EP300: variants seen among roughly 807,000 people sequenced by gnomAD.
EP300 encodes histone acetyltransferase p300.
Under a neutral mutation model 264.0 loss-of-function variants are expected in EP300, and 31 were observed. The observed-to-expected ratio is 0.12, with a 90% confidence interval of 0.09 to 0.16. EP300 has a LOEUF of 0.16. Ranked by LOEUF, EP300 falls within the 10% of genes least tolerant of loss-of-function variation. EP300 has a pLI of 1.00. For missense variants in EP300, 2,766 were observed against 3,052.9 expected (o/e 0.91, Z 2.21); for synonymous variants, 1,340 against 1,045.4 (o/e 1.28, Z -5.44).
intron 21 of EP300, 125 bp downstream of exon 21, chr22:41,162,904 C>G (rs536580547): frequency 1.3e-6 from 1 of 783,018 alleles, no homozygotes; most frequent in Admixed American, 1.9e-5. Flanking sequence ...TAACATACAT[C>G]TAATGGATAG....
At chr22:41,156,042 A>C (rs1004062543) in intron 17 of EP300, among the ~76,000 whole-genome samples, 2 of 150,908 alleles carry the variant, frequency 1.3e-5, no homozygotes, top group Non-Finnish European at 3.0e-5. Context: ...ATGGAGTTTC[A>C]CTCTTGTTGC....
In EP300 at chr22:41,149,858, C is replaced by G. The variant is rs1319677638; in HGVS notation, c.2477C>G (p.Ala826Gly). The change falls in exon 14 of 31, where the codon GCT (alanine) becomes GGT (glycine). Residue 826 changes from alanine to glycine, a missense_variant. Physicochemically the swap from Ala to Gly is moderately conservative, Grantham distance 60. Transcript: ENST00000263253. Reference sequence around the variant, plus strand: ...CACTGTCCCCAGCTTCCTCAACCAGCTCTTCATCAGAATTCACCCTCGCCT... The same window carrying G: ...CACTGTCCCCAGCTTCCTCAACCAGGTCTTCATCAGAATTCACCCTCGCCT... ...HIHCPQLPQP[A>G]LHQNSPSPVP... 6.2e-7 allele frequency: 1 copy of G among 1,614,114 alleles called. No individual in the cohort carries two copies.
chr22:41,143,472 G>A (rs956691842), intron 10 of EP300, among the ~76,000 whole-genome samples: 10 of 152,056 alleles, frequency 6.6e-5, no homozygotes, highest in Non-Finnish European at 1.5e-4. Flanking sequence ...AATAAGGTTT[G>A]TAAACTTTGA....
chr22:41,101,124 G>T (rs1006782680), intron 1 of EP300, among the ~76,000 whole-genome samples: 3 of 152,122 alleles, frequency 2.0e-5, no homozygotes, highest in Non-Finnish European at 4.4e-5. Context: ...TCCTAGACAG[G>T]AGTGCAGTGG....
At chr22:41,173,864 C>T (rs2145772285) in intron 29 of EP300, 80 bp downstream of exon 29, 1 of 1,573,080 alleles carries the variant, frequency 6.4e-7, no homozygotes, top group Non-Finnish European at 8.7e-7. Context: ...GTAATCCCAG[C>T]ACTTTGGGAG....
At chr22:41,167,626 ATATATATAT>A (rs2059145728) in intron 23 of EP300, among the ~76,000 whole-genome samples, 3 of 60,980 alleles carry the variant, frequency 4.9e-5, no homozygotes, top group Non-Finnish European at 1.0e-4. Flanking sequence ...ATATATATAT[ATATATATAT>A]AATGTTTGGT....
chr22:41,126,985 C>G (rs890146210), intron 3 of EP300, among the ~76,000 whole-genome samples: 6 of 152,040 alleles, frequency 3.9e-5, no homozygotes, highest in Admixed American at 3.3e-4. Flanking sequence ...CTCAGGTGAT[C>G]CGCCTGCCTC....
At chr22:41,124,933 G>GT (rs888711450) in intron 2 of EP300, among the ~76,000 whole-genome samples, 7 of 151,382 alleles carry the variant, frequency 4.6e-5, no homozygotes, top group African/African-American at 1.7e-4. Context: ...TGTATAGTGG[G>GT]TTTTTTTTGT....
At chr22:41,117,083 T>G in intron 1 of EP300, 104 bp from the exon 2 acceptor site, 1 of 988,620 alleles carries the variant, frequency 1.0e-6, no homozygotes, top group Non-Finnish European at 1.6e-6. Flanking sequence ...AAACATGGAG[T>G]GAGGTTGGGA....
chr22:41,092,769 CTCCGGG>C lies in EP300; in HGVS notation c.-235_-230del. 1 of 624,144 alleles carries C rather than the reference CTCCGGG, an allele frequency of 1.6e-6. No individual in the cohort carries two copies. The allele number at this position is 624,144 out of a possible 1,614,324, so 38.7% of individuals were successfully genotyped here. On this transcript the variant is annotated 5_prime_UTR_variant, in exon 1 of 31. Coordinates refer to ENST00000263253, the MANE Select transcript of EP300 (RefSeq NM_001429.4). ...GGCGAATTTGTGCTCTTGTGCCCTC[CTCCGGG>C]CTTGGGCCCAGGCCCGGCCCCTCGC...
chr22:41,109,385 T>G (rs1569086239), intron 1 of EP300, among the ~76,000 whole-genome samples: 1 of 152,196 alleles, frequency 6.6e-6, no homozygotes, highest in East Asian at 1.9e-4. Context: ...TAAAGCTGAT[T>G]ACTGCTTGAT....
rs1555911003 is a variant in EP300 at position 41,167,814 on chromosome 22, GT to G, written c.3875-624del. On this transcript the variant is annotated intron_variant, in intron 23 of 30. Coordinates refer to ENST00000263253, the MANE Select transcript of EP300 (RefSeq NM_001429.4). ...CATTGTTCTATTTCTGTTTGTTTTTGTTTTTTTTTTTGTTTTTTTTTTTTTT... is the reference window on the plus strand; with the variant it reads ...CATTGTTCTATTTCTGTTTGTTTTTGTTTTTTTTTTGTTTTTTTTTTTTTT... Among the ~76,000 whole-genome samples, 63 of 66,228 alleles carry G rather than the reference GT, an allele frequency of 9.5e-4. 12 individuals carry two copies. The highest frequency in any genetic ancestry group is 3.8e-3 in the African/African-American group (60 of 15,656). The allele number at this position is 66,228 out of a possible 152,430, so 43.4% of individuals were successfully genotyped here.
chr22:41,119,185 T>A (rs1390882287), intron 2 of EP300, among the ~76,000 whole-genome samples: 4,534 of 139,094 alleles, frequency 0.033, 273 homozygotes, highest in East Asian at 0.16. Flanking sequence ...ATTTTTTTTT[T>A]TTTTTTTTTT....
At chr22:41,100,667 A>C (rs2058726936) in intron 1 of EP300, among the ~76,000 whole-genome samples, 1 of 152,208 alleles carries the variant, frequency 6.6e-6, no homozygotes, top group Admixed American at 6.5e-5. Flanking sequence ...ACACTGCATT[A>C]GGTATTGTAA....
chr22:41,103,524 A>G (rs2058742748), intron 1 of EP300, among the ~76,000 whole-genome samples: 1 of 152,132 alleles, frequency 6.6e-6, no homozygotes, highest in Non-Finnish European at 1.5e-5. Context: ...GTAGGTTTGG[A>G]GCGTTGATGG....
At chr22:41,105,311 T>C (rs1408938792) in intron 1 of EP300, among the ~76,000 whole-genome samples, 1 of 149,100 alleles carries the variant, frequency 6.7e-6, no homozygotes. Flanking sequence ...GAGGTTGCCA[T>C]GAGCTGAGAT....
At position 41,113,669 on chromosome 22, in the gene EP300, C is replaced by G. The variant is rs573344449; in HGVS notation, c.95-3518C>G. Among the ~76,000 whole-genome samples, 4 of 152,254 alleles carry G rather than the reference C, an allele frequency of 2.6e-5. No individual in the cohort carries two copies. The East Asian group carries it at 7.7e-4, about 29-fold the overall frequency. ...TCATGCCATTCTCCTGCCTCAGCCT[C>G]CTGAGTAGCTGGGACTATAGGCGCC... On this transcript the variant is annotated intron_variant, in intron 1 of 30. Coordinates refer to ENST00000263253, the MANE Select transcript of EP300 (RefSeq NM_001429.4).
intron 16 of EP300, among the ~76,000 whole-genome samples, chr22:41,153,106 A>G (rs2059056605): frequency 6.6e-6 from 1 of 152,172 alleles, no homozygotes; most frequent in Admixed American, 6.6e-5. Context: ...GAAGCTTAGC[A>G]AAGTTAAGTA....
chr22:41,173,024 ACT>A (rs2059179789), intron 28 of EP300, among the ~76,000 whole-genome samples: 1 of 152,116 alleles, frequency 6.6e-6, no homozygotes, highest in Admixed American at 6.6e-5. Flanking sequence ...TTAAAAACAC[ACT>A]CTTTTTAAAT....
Sources: allele counts gnomAD v4.1 joint callset (sites outside exome capture counted in the v4.1 genomes callset), GRCh38; gene constraint gnomAD v4.1.1; transcripts MANE v1.5; gene names NCBI Gene and HGNC (gene_info 2026-07-23, HGNC 2026-07-21).